APAF1: variants seen among roughly 807,000 people sequenced by gnomAD.
APAF1 encodes the protein apoptotic protease-activating factor 1.
Under a neutral mutation model 152.4 loss-of-function variants are expected in APAF1, and 91 were observed. That is an observed-to-expected ratio of 0.60 (90% CI 0.50 to 0.71). The LOEUF (loss-of-function observed/expected upper bound fraction) is 0.71, where lower values mean the gene tolerates loss of function less well. APAF1 is among the 30% of genes least tolerant of loss of function. The pLI, the probability that APAF1 is intolerant of heterozygous loss-of-function variation, is 0.00. For missense variants in APAF1, 1,283 were observed against 1,472.0 expected, an observed-to-expected ratio of 0.87 and a Z score of 2.10; for synonymous variants, 484 against 494.1, an observed-to-expected ratio of 0.98 and a Z score of 0.27.
At position 98,653,696 on chromosome 12, in the gene APAF1, A is replaced by C. The variant is rs1226582187; in HGVS notation, c.526+4012A>C. Among the ~76,000 whole-genome samples the C allele has an allele frequency of 2.1e-3, 173 of 83,390 alleles. 7 individuals carry two copies. The highest frequency in any genetic ancestry group is 9.3e-3 in the African/African-American group (163 of 17,494). The allele number at this position is 83,390 out of a possible 152,430, so 54.7% of individuals were successfully genotyped here. ...AAAAAAAAAAAAAAAAAAAAAATAT[A>C]TATATATATATATATATATATATAT... On this transcript the variant is annotated intron_variant, in intron 4 of 26. Transcript: ENST00000551964.
intron 22 of APAF1, among the ~76,000 whole-genome samples, chr12:98,719,460 C>G (rs1237327844): frequency 1.3e-5 from 2 of 152,136 alleles, no homozygotes; most frequent in Non-Finnish European, 2.9e-5. Flanking sequence ...AGCAATTCCC[C>G]TGCCTCAGCC....
chr12:98,662,919 T>C (rs1287546098), intron 7 of APAF1, 113 bp downstream of exon 7: 2 of 947,802 alleles, frequency 2.1e-6, no homozygotes, highest in African/African-American at 1.7e-5. Flanking sequence ...AAAACTTTTC[T>C]GGGAGATTTA....
At chr12:98,722,311 T>G (rs969951399) in intron 22 of APAF1, among the ~76,000 whole-genome samples, 1 of 152,216 alleles carries the variant, frequency 6.6e-6, no homozygotes. Flanking sequence ...TCTTCTATTG[T>G]AGGACTTTTT....
intron 8 of APAF1, 89 bp from the exon 9 acceptor site, chr12:98,666,101 T>TA: frequency 8.1e-7 from 1 of 1,238,066 alleles, no homozygotes. Flanking sequence ...GGCTTTAAGA[T>TA]ACCGTTTTTT....
intron 17 of APAF1, among the ~76,000 whole-genome samples, chr12:98,701,147 T>C (rs1399112937): frequency 6.6e-6 from 1 of 152,196 alleles, no homozygotes; most frequent in Non-Finnish European, 1.5e-5. Context: ...AGTATATATT[T>C]ATGTATATAA....
intron 4 of APAF1, among the ~76,000 whole-genome samples, chr12:98,650,346 TGTG>T (rs982061165): frequency 6.6e-6 from 1 of 151,628 alleles, no homozygotes; most frequent in Non-Finnish European, 1.5e-5. Context: ...ATCAGCTGGG[TGTG>T]GTGGTGAGCA....
Position 98,725,547 on chromosome 12 carries a change from T to C in APAF1, c.3456+7T>C. ...TGACAATGGAGAAATCAGGGTAGGCTGTTTGCTGACATGAGAGCACTGCTC... is the reference window on the plus strand; with the variant it reads ...TGACAATGGAGAAATCAGGGTAGGCCGTTTGCTGACATGAGAGCACTGCTC... On this transcript the variant is annotated splice_region_variant and intron_variant, in intron 25 of 26. Coordinates refer to ENST00000551964, the MANE Select transcript of APAF1 (RefSeq NM_181861.2). 6.2e-7 allele frequency: 1 copy of C among 1,614,076 alleles called. No homozygotes were observed. The highest frequency in any genetic ancestry group is 1.1e-5 in the South Asian group (1 of 91,082).
chr12:98,671,187 T>TA (rs2097679678), intron 11 of APAF1, 101 bp downstream of exon 11: 7 of 786,486 alleles, frequency 8.9e-6, no homozygotes, highest in Admixed American at 2.5e-5. Flanking sequence ...ATAGAAGGGG[T>TA]GAAGATAATT....
Position 98,662,533 on chromosome 12 carries a change from C to A in APAF1, c.788C>A (p.Thr263Lys), listed in dbSNP as rs950176672. Residue 263 changes from threonine (T) to lysine (K), a missense_variant, in exon 6 of 27, where the codon ACA (threonine) becomes AAA (lysine). Thr to Lys is a moderately conservative substitution (Grantham distance 78, BLOSUM62 -1). Transcript: ENST00000551964. The part of the protein sequence containing the change: ...AFDSQCQILL[T>K]TRDKSVTDSV... ...GACAGTCAGTGTCAGATTCTTCTTA[C>A]AACCAGAGACAAGAGTGTTACAGAT... 9 of 1,613,298 alleles carry A rather than the reference C, an allele frequency of 5.6e-6. No homozygotes were observed. Among genetic ancestry groups the A allele is most frequent in the Non-Finnish European group, 6.8e-6 (8 of 1,179,628 alleles).
intron 17 of APAF1, among the ~76,000 whole-genome samples, chr12:98,702,587 G>A (rs1177490007): frequency 3.3e-5 from 5 of 152,042 alleles, no homozygotes; most frequent in African/African-American, 1.2e-4. Context: ...CACTTTGGGA[G>A]GCCAAGGTGG....
rs773894374 is a variant in APAF1, at chr12:98,662,826, T to C, written c.955+20T>C. ...GTAAAGGTATGGTTATTTATTTGTT[T>C]ATGAGGAGATTATAGGGAGTTATAT... On this transcript the variant is annotated intron_variant, in intron 7 of 26. Transcript: ENST00000551964. The C allele has an allele frequency of 3.1e-6, 5 of 1,599,428 alleles. No individual in the cohort carries two copies. The South Asian group carries it at 5.5e-5, about 18-fold the overall frequency.
chr12:98,694,172 T>G (rs1024248521), intron 16 of APAF1, among the ~76,000 whole-genome samples: 1 of 152,236 alleles, frequency 6.6e-6, no homozygotes, highest in Non-Finnish European at 1.5e-5. Context: ...ATTAAAATCC[T>G]AGAAGAAAAC....
At chr12:98,723,364 G>A (rs762929388) in intron 23 of APAF1, 52 bp downstream of exon 23, 9 of 1,570,738 alleles carry the variant, frequency 5.7e-6, no homozygotes, top group Admixed American at 1.7e-5. Flanking sequence ...ATATTGCAAT[G>A]ATTATATTGA....
chr12:98,672,534 A>G (rs1266744371), intron 12 of APAF1, among the ~76,000 whole-genome samples: 3 of 151,916 alleles, frequency 2.0e-5, no homozygotes, highest in Non-Finnish European at 4.4e-5. Flanking sequence ...TATAGTCCTT[A>G]TTAAATGACC....
intron 16 of APAF1, among the ~76,000 whole-genome samples, chr12:98,690,011 A>G (rs1471196138): frequency 6.6e-6 from 1 of 152,222 alleles, no homozygotes; most frequent in African/African-American, 2.4e-5. Context: ...ATAGTACAGA[A>G]TTGTACTCAA....
intron 4 of APAF1, among the ~76,000 whole-genome samples, chr12:98,657,078 C>G (rs1453084588): frequency 6.6e-6 from 1 of 152,214 alleles, no homozygotes; most frequent in Non-Finnish European, 1.5e-5. Context: ...TTTCTTAACT[C>G]TTCCCTGATT....
In APAF1 at chr12:98,680,360, T is replaced by A; in HGVS notation, c.2004T>A (p.Asp668Glu). 2 of 1,613,806 alleles carry A rather than the reference T, an allele frequency of 1.2e-6. No individual in the cohort carries two copies. The highest frequency in any genetic ancestry group is 2.2e-5 in the South Asian group (2 of 91,058). Residue 668 changes from aspartate (D) to glutamate (E), a missense_variant, in exon 14 of 27, where the codon GAT (aspartate) becomes GAA (glutamate). Asp to Glu is a conservative substitution (Grantham distance 45). Transcript: ENST00000551964. ...DEVLCCAFSTDDRFIATCSVD... is the reference protein window; with the variant it reads ...DEVLCCAFSTEDRFIATCSVD... Reference sequence around the variant, plus strand: ...TGCTTTGTTGTGCATTCTCTACAGATGACAGATTTATAGCAACCTGCTCAG... The same window carrying A: ...TGCTTTGTTGTGCATTCTCTACAGAAGACAGATTTATAGCAACCTGCTCAG...
intron 18 of APAF1, 29 bp downstream of exon 18, chr12:98,703,528 C>G (rs1436820396): frequency 5.0e-6 from 8 of 1,613,672 alleles, no homozygotes; most frequent in Non-Finnish European, 6.8e-6. Context: ...TCTGTGAAGC[C>G]TGGGTTTCCA....
intron 10 of APAF1, among the ~76,000 whole-genome samples, chr12:98,668,275 C>T (rs2097675925): frequency 6.6e-6 from 1 of 152,074 alleles, no homozygotes; most frequent in African/African-American, 2.4e-5. Context: ...ACCTTAGTAA[C>T]TAGTAAATGA....
Sources: gnomAD v4.1 joint callset for allele counts (sites outside exome capture counted in the v4.1 genomes callset) on GRCh38, gnomAD v4.1.1 for gene constraint, MANE v1.5 for transcripts, NCBI Gene and HGNC (gene_info 2026-07-23, HGNC 2026-07-21) for gene names.